The following NCAM1 variants were observed in gnomAD, a reference collection of about 807,000 sequenced individuals.
The protein encoded by NCAM1 is neural cell adhesion molecule 1, also known as antigen recognized by monoclonal antibody 5.1H11.
Under a neutral mutation model 109.8 loss-of-function variants are expected in NCAM1, and 14 were observed. The ratio of observed to expected loss-of-function variants is 0.13; its 90% CI spans 0.08 to 0.20. The LOEUF (loss-of-function observed/expected upper bound fraction) is 0.20. Ranked by LOEUF, NCAM1 falls within the 10% of genes least tolerant of loss-of-function variation. The pLI is 1.00. For missense variants in NCAM1, 774 were observed against 1,109.9 expected (o/e 0.70, Z 4.30); for synonymous variants, 418 against 442.9 (o/e 0.94, Z 0.70).
At chr11:113,214,899 A>T (rs1002780493) in intron 8 of NCAM1, among the ~76,000 whole-genome samples, 1 of 152,172 alleles carries the variant, frequency 6.6e-6, no homozygotes, top group Non-Finnish European at 1.5e-5. Context: ...TCCCAGAAAT[A>T]ACCAGGCTCA....
chr11:113,070,563 G>C (rs1351399348), intron 1 of NCAM1, among the ~76,000 whole-genome samples: 6 of 152,092 alleles, frequency 3.9e-5, no homozygotes, highest in African/African-American at 1.4e-4. Context: ...ATGATGGACG[G>C]GATCGCAGAG....
chr11:113,232,269 C>T lies in NCAM1; in HGVS notation c.1340C>T (p.Ser447Leu), dbSNP rs782314865. ...TTTGCCTATCCCAGTGCCACGATCT[C>T]ATGGTTTCGGGATGGCCAGCTGCTG... ...EVFAYPSATI[S>L]WFRDGQLLPS... The change falls in exon 11 of 20, where the codon TCA becomes TTA. Residue 447 changes from serine (S) to leucine (L), a missense_variant. By Grantham distance (145) the Ser-to-Leu change is moderately radical. This residue lies in a region of NCAM1 where 523 missense variants were observed against 784.2 expected (regional missense o/e 0.67). Coordinates refer to ENST00000316851, the MANE Select transcript of NCAM1 (RefSeq NM_181351.5). The T allele has an allele frequency of 1.9e-6, 3 of 1,613,850 alleles. No homozygotes were observed.
chr11:113,024,437 T>G (rs1371497487), intron 1 of NCAM1, among the ~76,000 whole-genome samples: 1 of 152,180 alleles, frequency 6.6e-6, no homozygotes, highest in Non-Finnish European at 1.5e-5. Flanking sequence ...CACTTCATTC[T>G]GTGTTTGTTG....
chr11:113,157,217 C>T (rs1445521708), intron 1 of NCAM1, among the ~76,000 whole-genome samples: 4 of 151,922 alleles, frequency 2.6e-5, no homozygotes, highest in South Asian at 2.1e-4. Flanking sequence ...CACAGCATGT[C>T]GTTTGCACTG....
At chr11:113,011,677 G>A (rs1461745259) in intron 1 of NCAM1, among the ~76,000 whole-genome samples, 1 of 152,188 alleles carries the variant, frequency 6.6e-6, no homozygotes, top group Non-Finnish European at 1.5e-5. Flanking sequence ...AGAGATGGTA[G>A]CAGTGGTACC....
At chr11:113,022,324 A>G (rs1952411904) in intron 1 of NCAM1, among the ~76,000 whole-genome samples, 1 of 152,176 alleles carries the variant, frequency 6.6e-6, no homozygotes, top group African/African-American at 2.4e-5. Context: ...TCTGAACAGC[A>G]CCATCAGAGC....
chr11:113,231,278 G>T, intron 9 of NCAM1: 1 of 1,530,180 alleles, frequency 6.5e-7, no homozygotes, highest in Non-Finnish European at 8.8e-7. Context: ...CATGAGGTAG[G>T]GCTGCTGCTG....
intron 1 of NCAM1, among the ~76,000 whole-genome samples, chr11:113,059,545 C>A (rs1246303861): frequency 1.3e-5 from 2 of 152,174 alleles, no homozygotes; most frequent in African/African-American, 2.4e-5. Flanking sequence ...CTCATCCTCC[C>A]AGGCCTTTCT....
chr11:113,047,011 C>G (rs150027968), intron 1 of NCAM1, among the ~76,000 whole-genome samples: 331 of 152,230 alleles, frequency 2.2e-3, no homozygotes, highest in Non-Finnish European at 3.7e-3. Flanking sequence ...ATGCTTTAAG[C>G]TTTGTATGTG....
Position 113,202,236 on chromosome 11 carries a change from C to G in NCAM1, c.53-143C>G, listed in dbSNP as rs1228741933. ...AACTCCACACAACCTCCTCCCTTCA[C>G]TCTTTCTTAAAGTCAGTTGGGAAGC... On this transcript the variant is annotated intron_variant, in intron 1 of 19. Coordinates refer to ENST00000316851, the MANE Select transcript of NCAM1 (RefSeq NM_181351.5). The G allele has an allele frequency of 8.4e-6, 7 of 832,862 alleles. No individual in the cohort carries two copies. The African/African-American group carries it at 1.2e-4, about 14-fold the overall frequency. The allele number at this position is 832,862 out of a possible 1,614,324, so 51.6% of individuals were successfully genotyped here.
chr11:113,037,107 C>T (rs1952912308), intron 1 of NCAM1, among the ~76,000 whole-genome samples: 1 of 152,196 alleles, frequency 6.6e-6, no homozygotes, highest in Admixed American at 6.5e-5. Context: ...CCTGATACCA[C>T]ACCAATGCCT....
chr11:113,120,453 C>G (rs1371229163), intron 1 of NCAM1, among the ~76,000 whole-genome samples: 13 of 152,188 alleles, frequency 8.5e-5, no homozygotes, highest in Admixed American at 8.5e-4. Context: ...TAGCTGTATT[C>G]AGATATAATC....
intron 15 of NCAM1, among the ~76,000 whole-genome samples, chr11:113,250,354 G>A (rs1288250043): frequency 6.6e-6 from 1 of 152,200 alleles, no homozygotes; most frequent in Non-Finnish European, 1.5e-5. Context: ...TAAGCGCTTT[G>A]TTTCAGGAAA....
intron 1 of NCAM1, among the ~76,000 whole-genome samples, chr11:113,002,384 T>C (rs1226200155): frequency 1.3e-5 from 2 of 152,242 alleles, no homozygotes; most frequent in African/African-American, 2.4e-5. Flanking sequence ...AATTGAATCT[T>C]ATCAATGTTA....
intron 1 of NCAM1, among the ~76,000 whole-genome samples, chr11:113,090,728 C>A (rs923448166): frequency 3.9e-5 from 6 of 152,140 alleles, no homozygotes; most frequent in African/African-American, 1.4e-4. Flanking sequence ...AAAATGAGAA[C>A]GTTTGTAGAA....
intron 14 of NCAM1, among the ~76,000 whole-genome samples, chr11:113,235,858 C>T (rs1945152848): frequency 6.6e-6 from 1 of 152,188 alleles, no homozygotes; most frequent in Non-Finnish European, 1.5e-5. Flanking sequence ...CCTCCCTTCC[C>T]ACCAGCAGCC....
intron 1 of NCAM1, among the ~76,000 whole-genome samples, chr11:113,102,756 A>C (rs1939932053): frequency 6.6e-6 from 1 of 152,214 alleles, no homozygotes; most frequent in East Asian, 1.9e-4. Flanking sequence ...TGGAAAGCTG[A>C]CCATAGATTA....
intron 1 of NCAM1, among the ~76,000 whole-genome samples, chr11:113,162,530 T>C (rs898674470): frequency 6.6e-6 from 1 of 152,216 alleles, no homozygotes; most frequent in Non-Finnish European, 1.5e-5. Context: ...TCCATTTTTC[T>C]TTTCTAAATT....
At chr11:113,191,887 T>C (rs1312085596) in intron 1 of NCAM1, among the ~76,000 whole-genome samples, 1 of 152,182 alleles carries the variant, frequency 6.6e-6, no homozygotes, top group African/African-American at 2.4e-5. Context: ...GTATCTTCAA[T>C]AGCCCAGATG....
Sources: gnomAD v4.1 joint callset for allele counts (sites outside exome capture counted in the v4.1 genomes callset) on GRCh38, gnomAD v4.1.1 for gene constraint, gnomAD v4.1.1 regional missense constraint, MANE v1.5 for transcripts, NCBI Gene and HGNC (gene_info 2026-07-23, HGNC 2026-07-21) for gene names.